The following GJA9 variants were observed in gnomAD, a reference collection of about 807,000 sequenced individuals.
GJA9 encodes gap junction protein alpha 9.
A neutral mutation model predicts 0.4 loss-of-function variants in GJA9; 1 was observed. The ratio of observed to expected loss-of-function variants is 2.50; its 90% CI spans 0.89 to 11.88. The LOEUF (loss-of-function observed/expected upper bound fraction) is 11.88. Among genes scored for constraint, GJA9 ranks in the 30% most tolerant of loss-of-function variants. The probability of loss-of-function intolerance (pLI) is 0.12; values close to 1 mark genes in which losing one functional copy is unlikely to be tolerated. For synonymous variants in GJA9, 190 were observed against 219.1 expected (o/e 0.87, Z 1.17); for missense variants, 550 against 602.8 (o/e 0.91, Z 0.92).
At chr1:38,880,345 G>A (rs181904426) in intron 1 of GJA9, among the ~76,000 whole-genome samples, 1 of 145,940 alleles carries the variant, frequency 6.9e-6, no homozygotes, top group Non-Finnish European at 1.5e-5. Flanking sequence ...AGAGGTTGCA[G>A]TGAGCCGAGA....
At chr1:38,876,697 C>CT (rs1172229344) in intron 1 of GJA9, among the ~76,000 whole-genome samples, 1 of 152,044 alleles carries the variant, frequency 6.6e-6, no homozygotes, top group Non-Finnish European at 1.5e-5. Flanking sequence ...TATATATTCT[C>CT]TATTAAGAAT....
intron 1 of GJA9, among the ~76,000 whole-genome samples, chr1:38,877,251 C>G (rs1266793560): frequency 1.3e-5 from 2 of 151,160 alleles, no homozygotes; most frequent in Non-Finnish European, 2.9e-5. Flanking sequence ...GTTGGCCAGG[C>G]TGGTCTCGAA....
chr1:38,874,749 GC>G lies in GJA9; in HGVS notation c.1349del (p.Gly450AlafsTer48). ...KGNLKGQFRK[G>X]TVRTLPPSQG... ...GTGAAGGAGGAAGGGTTCTGACTGT[GC>G]CCTTTCTGAACTGGCCCTTGAGGTT... On this transcript the variant is annotated frameshift_variant, in exon 2 of 2. Coordinates refer to ENST00000357771, the MANE Select transcript of GJA9 (RefSeq NM_030772.5). LOFTEE classifies it low-confidence loss of function (END_TRUNC). 1 of 1,614,184 alleles carries G rather than the reference GC, an allele frequency of 6.2e-7. No individual in the cohort carries two copies. Among genetic ancestry groups the G allele is most frequent in the Admixed American group, 1.7e-5 (1 of 60,032 alleles).
intron 1 of GJA9, among the ~76,000 whole-genome samples, chr1:38,877,325 CA>C (rs1039459716): frequency 6.6e-6 from 1 of 152,108 alleles, no homozygotes; most frequent in Non-Finnish European, 1.5e-5. Flanking sequence ...AGGCGTGAGC[CA>C]CCATGCCCAG....
chr1:38,875,200 A>C lies in GJA9; in HGVS notation c.899T>G (p.Leu300Ter), dbSNP rs756583872. 4.3e-6 allele frequency: 7 copies of C among 1,614,168 alleles called. No individual in the cohort carries two copies. Among genetic ancestry groups the C allele is most frequent in the African/African-American group, 1.3e-5 (1 of 75,062 alleles). ...KQTHTAVYPSLNSSSVFQPNP... is the reference protein window; with the variant it reads ...KQTHTAVYPS ...TGGCTGGAATACAGAAGATGAATTT[A>C]AACTAGGGTACACTGCAGTGTGTGT... is the stretch of plus-strand genomic sequence containing the variant. Residue 300 changes from leucine to a stop codon, truncating the protein, a stop_gained, in exon 2 of 2, where the codon TTA (leucine) becomes TGA (stop). Coordinates refer to ENST00000357771, the MANE Select transcript of GJA9 (RefSeq NM_030772.5). LOFTEE classifies it low-confidence loss of function (END_TRUNC).
At position 38,874,483 on chromosome 1, in the gene GJA9, T is replaced by C. The variant is rs1463015132; in HGVS notation, c.*68A>G. 1 of 1,258,990 alleles carries C rather than the reference T, an allele frequency of 7.9e-7. No homozygotes were observed. The highest frequency in any genetic ancestry group is 1.5e-5 in the African/African-American group (1 of 67,168). The allele number at this position is 1,258,990 out of a possible 1,614,324, so 78.0% of individuals were successfully genotyped here. A position where few individuals can be genotyped will look rare whatever the true frequency, so the allele number is the denominator to read the frequency against. On this transcript the variant is annotated 3_prime_UTR_variant, in exon 2 of 2. Transcript: ENST00000357771. ...CTTTAGAGCTGCCCCTATCTATTTT[T>C]TCTGTGCCCCACGACCACTAGGCTA...
chr1:38,877,779 G>T (rs1642616226), intron 1 of GJA9, among the ~76,000 whole-genome samples: 1 of 152,126 alleles, frequency 6.6e-6, no homozygotes. Context: ...TTACAGGCAT[G>T]AGCCACCGTG....
chr1:38,876,326 T>C, intron 1 of GJA9, 133 bp from the exon 2 acceptor site: 1 of 548,024 alleles, frequency 1.8e-6, no homozygotes, highest in Non-Finnish European at 3.3e-6. Context: ...CAGGCTGGAG[T>C]ACAGTGTTGC....
At chr1:38,878,952 C>T (rs112415533) in intron 1 of GJA9, among the ~76,000 whole-genome samples, 4,544 of 151,968 alleles carry the variant, frequency 0.03, 163 homozygotes, top group African/African-American at 0.081. Context: ...AGGCTAGTTT[C>T]GAACTCCCAA....
rs1642543923 is a variant in GJA9, at chr1:38,874,585, A to G, written c.1514T>C (p.Ile505Thr). The change falls in exon 2 of 2, where the codon ATT (isoleucine) becomes ACT (threonine). Residue 505 changes from isoleucine (I) to threonine (T), a missense_variant. Ile to Thr is a moderately conservative substitution (Grantham distance 89, BLOSUM62 -1). Coordinates refer to ENST00000357771, the MANE Select transcript of GJA9 (RefSeq NM_030772.5). ...AAGATCTGTGGGAACCCGCCTACCA[A>G]TGAGATTGTTCGTTAGGGACACTAC... Reference protein sequence around the residue: ...NHVVSLTNNLIGRRVPTDLQI With the variant: ...NHVVSLTNNLTGRRVPTDLQI 1.2e-6 allele frequency: 2 copies of G among 1,613,990 alleles called. No individual in the cohort carries two copies. Among genetic ancestry groups the G allele is most frequent in the Admixed American group, 1.7e-5 (1 of 59,988 alleles).
rs765711197 is a variant in GJA9, at chr1:38,875,500, C to A, written c.599G>T (p.Cys200Phe). Residue 200 changes from cysteine (C) to phenylalanine (F), a missense_variant, in exon 2 of 2, where the codon TGT (cysteine) becomes TTT (phenylalanine). Cys to Phe is a radical substitution (Grantham distance 205, BLOSUM62 -2). Transcript: ENST00000357771. ...CTTTTCTGTTGGTCTTGAGACAAAA[C>A]AGTCGATTATATTTGGACACGGGTG... ...HGHPCPNIID[C>F]FVSRPTEKTI... The A allele has an allele frequency of 6.2e-7, 1 of 1,614,154 alleles. No individual in the cohort carries two copies. Among genetic ancestry groups the A allele is most frequent in the Non-Finnish European group, 8.5e-7 (1 of 1,180,004 alleles).
rs1406819892 is a variant in GJA9, at chr1:38,876,029, T to C, written c.70A>G (p.Ile24Val). ...VHIHSTMIGKIWLTILFIFRM... is the reference protein window; with the variant it reads ...VHIHSTMIGKVWLTILFIFRM... ...AATATGAACAGGATGGTGAGCCAGA[T>C]CTTTCCAATCATGGTGGAGTGGATG... The change falls in exon 2 of 2, where the codon ATC (isoleucine) becomes GTC (valine). Residue 24 changes from isoleucine to valine, a missense_variant. Coordinates refer to ENST00000357771, the MANE Select transcript of GJA9 (RefSeq NM_030772.5). 6.2e-7 allele frequency: 1 copy of C among 1,614,192 alleles called. No individual in the cohort carries two copies. The highest frequency in any genetic ancestry group is 1.7e-5 in the Admixed American group (1 of 60,018).
Position 38,875,410 on chromosome 1 carries a change from A to T in GJA9, c.689T>A (p.Ile230Asn). 1.2e-6 allele frequency: 2 copies of T among 1,613,598 alleles called. No homozygotes were observed. Among genetic ancestry groups the T allele is most frequent in the South Asian group, 1.1e-5 (1 of 90,924 alleles). Residue 230 changes from isoleucine to asparagine, a missense_variant, in exon 2 of 2, where the codon ATT becomes AAT. Ile to Asn is a moderately radical substitution (Grantham distance 149, BLOSUM62 -3). Coordinates refer to ENST00000357771, the MANE Select transcript of GJA9 (RefSeq NM_030772.5). ...AATCTTTTTAAAACCTAGGTGGAAA[A>T]TTTCAAGAATGTTTAAGAAAAGTGA... is the stretch of plus-strand genomic sequence containing the variant. ...TISLFLNILE[I>N]FHLGFKKIKR...
rs1237669888 is a variant in GJA9, at chr1:38,874,581, A to G, written c.1518T>C (p.Gly506=). 2 of 1,614,132 alleles carry G rather than the reference A, an allele frequency of 1.2e-6. No homozygotes were observed. Among genetic ancestry groups the G allele is most frequent in the Non-Finnish European group, 8.5e-7 (1 of 1,179,970 alleles). Residue 506 remains glycine, a synonymous_variant, in exon 2 of 2, where the codon GGT becomes GGC. Coordinates refer to ENST00000357771, the MANE Select transcript of GJA9 (RefSeq NM_030772.5). The part of the protein sequence containing the change: ...HVVSLTNNLI[G]RRVPTDLQI ...TCTGAAGATCTGTGGGAACCCGCCT[A>G]CCAATGAGATTGTTCGTTAGGGACA...
chr1:38,880,253 A>C (rs1157933348), intron 1 of GJA9, among the ~76,000 whole-genome samples: 4 of 149,030 alleles, frequency 2.7e-5, no homozygotes, highest in African/African-American at 7.4e-5. Flanking sequence ...AAAATACAAA[A>C]ATTAGTCGGG....
Position 38,874,810 on chromosome 1 carries a change from G to T in GJA9, c.1289C>A (p.Thr430Lys), listed in dbSNP as rs769038872. The change falls in exon 2 of 2, where the codon ACA becomes AAA. Residue 430 changes from threonine to lysine, a missense_variant. By Grantham distance (78) the Thr-to-Lys change is moderately conservative. Transcript: ENST00000357771. ...AGGTGACCCCCGGTTTTCATGTTCTGTAGAGGAACCCCATGTAGCTCTAAG... is the reference window on the plus strand; with the variant it reads ...AGGTGACCCCCGGTTTTCATGTTCTTTAGAGGAACCCCATGTAGCTCTAAG... ...RWLRATWGSS[T>K]EHENRGSPPK... The T allele has an allele frequency of 2.2e-5, 36 of 1,614,038 alleles. No homozygotes were observed. Among genetic ancestry groups the T allele is most frequent in the Non-Finnish European group, 3.1e-5 (36 of 1,180,050 alleles).
In GJA9 at chr1:38,881,464, C is replaced by A; in HGVS notation, c.-128G>T. On this transcript the variant is annotated 5_prime_UTR_variant, in exon 1 of 2. Transcript: ENST00000357771. The stretch of plus-strand genomic sequence containing the variant: ...AGTTTAGGTAAATCTGAGAAGCAAA[C>A]CATGTTTAGAAGTTACAGCATGGCC... 2.9e-6 allele frequency: 2 copies of A among 701,710 alleles called. No homozygotes were observed. Among genetic ancestry groups the A allele is most frequent in the Non-Finnish European group, 5.2e-6 (2 of 384,540 alleles). 43.5% of individuals were successfully genotyped at this position (701,710 alleles called of 1,614,324 possible). A position where few individuals can be genotyped will look rare whatever the true frequency, so the allele number is the denominator to read the frequency against.
At chr1:38,876,732 C>T (rs1642593623) in intron 1 of GJA9, among the ~76,000 whole-genome samples, 1 of 152,070 alleles carries the variant, frequency 6.6e-6, no homozygotes, top group Admixed American at 6.5e-5. Flanking sequence ...GTGGCTCACA[C>T]CTGTAATCCC....
At position 38,876,148 on chromosome 1, in the gene GJA9, G is replaced by A. The variant is rs775290456; in HGVS notation, c.-50C>T. 5.6e-6 allele frequency: 8 copies of A among 1,436,048 alleles called. 1 individual carries two copies. The East Asian group carries it at 1.6e-4, about 29-fold the overall frequency. The allele number at this position is 1,436,048 out of a possible 1,614,324, so 89.0% of individuals were successfully genotyped here. On this transcript the variant is annotated 5_prime_UTR_variant, in exon 2 of 2. Coordinates refer to ENST00000357771, the MANE Select transcript of GJA9 (RefSeq NM_030772.5). ...TCTGATCCACATCAAATAAGAGGCA[G>A]ATAAATTCTTCCATTCTGAAGGGAG...
Sources: allele counts gnomAD v4.1 joint callset (sites outside exome capture counted in the v4.1 genomes callset), GRCh38; gene constraint gnomAD v4.1.1; transcripts MANE v1.5; gene names NCBI Gene and HGNC (gene_info 2026-07-23, HGNC 2026-07-21).